MED13L: variants seen among roughly 807,000 people sequenced by gnomAD.
MED13L encodes mediator of RNA polymerase II transcription subunit 13-like.
A neutral mutation model predicts 220.9 loss-of-function variants in MED13L; 7 were observed. That is an observed-to-expected ratio of 0.03 (90% CI 0.02 to 0.06). The LOEUF is 0.06. MED13L is among the 10% of genes least tolerant of loss of function. MED13L has a pLI of 1.00. For synonymous variants in MED13L, 1,011 were observed against 1,015.2 expected, an observed-to-expected ratio of 1.00 and a Z score of 0.08; for missense variants, 1,965 against 2,760.5, an observed-to-expected ratio of 0.71 and a Z score of 6.46.
intron 4 of MED13L, among the ~76,000 whole-genome samples, chr12:116,078,853 A>G (rs888139767): frequency 7.2e-5 from 11 of 152,248 alleles, no homozygotes; most frequent in African/African-American, 2.2e-4. Flanking sequence ...GAGCAAAAGA[A>G]AAAGAATTTA....
intron 2 of MED13L, among the ~76,000 whole-genome samples, chr12:116,195,010 A>G (rs1881530366): frequency 1.3e-5 from 2 of 152,240 alleles, no homozygotes; most frequent in Admixed American, 1.3e-4. Flanking sequence ...CAGGAATAAA[A>G]GTGGCCCACC....
intron 2 of MED13L, among the ~76,000 whole-genome samples, chr12:116,218,495 G>C (rs572619664): frequency 6.6e-6 from 1 of 151,986 alleles, no homozygotes; most frequent in South Asian, 2.1e-4. Context: ...GAGACTCACA[G>C]TTCAGTACTC....
chr12:116,048,307 C>T (rs569864856), intron 4 of MED13L, among the ~76,000 whole-genome samples: 1 of 152,148 alleles, frequency 6.6e-6, no homozygotes, highest in Non-Finnish European at 1.5e-5. Flanking sequence ...GTGGGCTGAA[C>T]TGGGATAGGA....
At chr12:116,276,816 T>C (rs1374646676) in intron 1 of MED13L, 2 of 1,157,184 alleles carry the variant, frequency 1.7e-6, no homozygotes, top group Non-Finnish European at 2.3e-6. Context: ...GACTTCCACA[T>C]GCAAATTCCA....
At chr12:116,083,115 A>C (rs558211297) in intron 4 of MED13L, among the ~76,000 whole-genome samples, 14 of 152,246 alleles carry the variant, frequency 9.2e-5, no homozygotes, top group Non-Finnish European at 1.9e-4. Flanking sequence ...ATCTCATTTA[A>C]TCTTGTGCAG....
At chr12:116,081,482 AG>A (rs1393328272) in intron 4 of MED13L, among the ~76,000 whole-genome samples, 5 of 152,198 alleles carry the variant, frequency 3.3e-5, no homozygotes, top group African/African-American at 1.2e-4. Flanking sequence ...GCATAAAAAA[AG>A]ATTCTACACA....
intron 1 of MED13L, among the ~76,000 whole-genome samples, chr12:116,255,235 A>C (rs1212491251): frequency 6.6e-6 from 1 of 152,228 alleles, no homozygotes. Flanking sequence ...AGCAATGCAC[A>C]CATAGAGTCC....
chr12:115,975,562 A>G lies in MED13L; in HGVS notation c.5541T>C (p.His1847=). The G allele has an allele frequency of 6.2e-7, 1 of 1,614,128 alleles. No individual in the cohort carries two copies. The highest frequency in any genetic ancestry group is 1.1e-5 in the South Asian group (1 of 91,080). The part of the protein sequence containing the change: ...RWLLASCTDL[H]GELLETCVVN... ...CAACGCAGGTCTCTAATAATTCCCC[A>G]TGGAGGTCAGTGCAGGAAGCCAAAA... is the stretch of plus-strand genomic sequence containing the variant. The change falls in exon 24 of 31, where the codon CAT becomes CAC. Residue 1847 remains histidine, a synonymous_variant. Coordinates refer to ENST00000281928, the MANE Select transcript of MED13L (RefSeq NM_015335.5).
chr12:116,114,735 G>A (rs968985512), intron 2 of MED13L, among the ~76,000 whole-genome samples: 9 of 151,928 alleles, frequency 5.9e-5, no homozygotes, highest in African/African-American at 1.7e-4. Flanking sequence ...AAATCTACTA[G>A]AACTAAAACT....
rs548857078 is a variant in MED13L at position 116,120,578 on chromosome 12, G to A, written c.311-9066C>T. ...AAGAGGGACAGAGTAGTTAGCCTAC[G>A]TTTCTACAAATGAAATGCATTCTCC... On this transcript the variant is annotated intron_variant, in intron 2 of 30. Transcript: ENST00000281928. 1.6e-4 allele frequency among the ~76,000 whole-genome samples: 24 copies of A among 146,462 alleles called. No individual in the cohort carries two copies. In the South Asian group the frequency reaches 2.5e-3, roughly 16 times the overall value.
intron 4 of MED13L, among the ~76,000 whole-genome samples, chr12:116,084,554 CA>C (rs2137754807): frequency 6.6e-6 from 1 of 152,126 alleles, no homozygotes; most frequent in Admixed American, 6.5e-5. Context: ...TTCAAGAACA[CA>C]ACAAATCATT....
At chr12:116,004,201 C>T (rs1293651188) in intron 13 of MED13L, among the ~76,000 whole-genome samples, 3 of 152,154 alleles carry the variant, frequency 2.0e-5, no homozygotes, top group African/African-American at 7.2e-5. Context: ...CTTGTACCTC[C>T]TTTTCTTTTC....
chr12:116,110,227 G>A (rs1037110421), intron 3 of MED13L: 5 of 152,104 alleles, frequency 3.3e-5, no homozygotes, highest in Admixed American at 2.6e-4. Context: ...ACATAGGAGC[G>A]AGCCATCACA....
intron 5 of MED13L, 36 bp from the exon 6 acceptor site, chr12:116,020,008 G>C: frequency 2.5e-6 from 4 of 1,572,216 alleles, no homozygotes; most frequent in Non-Finnish European, 3.5e-6. Flanking sequence ...CTAAACATTA[G>C]AGAAATAATT....
At chr12:115,971,245 G>C (rs886964908) in intron 26 of MED13L, among the ~76,000 whole-genome samples, 1 of 152,132 alleles carries the variant, frequency 6.6e-6, no homozygotes, top group Admixed American at 6.6e-5. Flanking sequence ...GCATCTGAAG[G>C]TAGGAACTAT....
At chr12:116,083,002 T>A (rs1048388914) in intron 4 of MED13L, among the ~76,000 whole-genome samples, 1 of 152,214 alleles carries the variant, frequency 6.6e-6, no homozygotes, top group Non-Finnish European at 1.5e-5. Flanking sequence ...GTTGATAGGT[T>A]TGATTCAGAA....
chr12:116,054,231 C>CA (rs1463197021), intron 4 of MED13L, among the ~76,000 whole-genome samples: 1 of 151,960 alleles, frequency 6.6e-6, no homozygotes, highest in Non-Finnish European at 1.5e-5. Context: ...CACACACACA[C>CA]ACGTACGTCT....
chr12:115,972,394 G>A (rs915069045), intron 25 of MED13L, 158 bp from the exon 26 acceptor site: 15 of 812,554 alleles, frequency 1.8e-5, no homozygotes, highest in Non-Finnish European at 2.2e-5. Context: ...TATAGAGAAT[G>A]TTACTCGACT....
chr12:116,059,561 A>G (rs1334844189), intron 4 of MED13L, among the ~76,000 whole-genome samples: 1 of 151,022 alleles, frequency 6.6e-6, no homozygotes. Context: ...GGGATTACAG[A>G]CGCCCGCCAC....
Sources: gnomAD v4.1 joint callset for allele counts (sites outside exome capture counted in the v4.1 genomes callset) on GRCh38, gnomAD v4.1.1 for gene constraint, MANE v1.5 for transcripts, NCBI Gene and HGNC (gene_info 2026-07-23, HGNC 2026-07-21) for gene names.